DLGAP1: variants seen among roughly 807,000 people sequenced by gnomAD.
The protein encoded by DLGAP1 is disks large-associated protein 1.
A neutral mutation model predicts 90.8 loss-of-function variants in DLGAP1; 11 were observed. The observed-to-expected ratio is 0.12, with a 90% CI of 0.08 to 0.20. DLGAP1 has a LOEUF of 0.20. DLGAP1 is among the 10% of genes least tolerant of loss of function. The pLI is 1.00. For missense variants in DLGAP1, 1,050 were observed against 1,333.8 expected (o/e 0.79, Z 3.31); for synonymous variants, 558 against 540.7 (o/e 1.03, Z -0.44).
intron 1 of DLGAP1, among the ~76,000 whole-genome samples, chr18:4,176,719 C>G (rs1442548900): frequency 2.0e-5 from 3 of 152,108 alleles, no homozygotes; most frequent in African/African-American, 7.2e-5. Context: ...TTGGTGAAGT[C>G]TAGAAACTAC....
chr18:4,376,756 G>A (rs577480387), intron 1 of DLGAP1, among the ~76,000 whole-genome samples: 7 of 152,164 alleles, frequency 4.6e-5, no homozygotes, highest in South Asian at 2.1e-4. Context: ...GTAAATCCTC[G>A]GTAGAGGTGG....
chr18:3,788,681 C>T (rs756952238), intron 5 of DLGAP1, among the ~76,000 whole-genome samples: 11 of 152,230 alleles, frequency 7.2e-5, no homozygotes, highest in Admixed American at 2.6e-4. Context: ...CTTACAGGGT[C>T]GGGCTTGGCA....
chr18:4,016,851 T>C (rs1039010221), intron 2 of DLGAP1, among the ~76,000 whole-genome samples: 1 of 152,172 alleles, frequency 6.6e-6, no homozygotes, highest in Non-Finnish European at 1.5e-5. Context: ...AGTCAACCTC[T>C]CAGTCTCAGT....
chr18:3,888,551 T>G (rs2071380676), intron 3 of DLGAP1, among the ~76,000 whole-genome samples: 1 of 151,480 alleles, frequency 6.6e-6, no homozygotes, highest in South Asian at 2.1e-4. Context: ...GATATGGTAT[T>G]GTTAAAAAAA....
intron 1 of DLGAP1, among the ~76,000 whole-genome samples, chr18:4,260,402 G>T (rs1392806314): frequency 6.6e-6 from 1 of 152,106 alleles, no homozygotes; most frequent in East Asian, 1.9e-4. Flanking sequence ...ACTTCTCATT[G>T]ATCAGCCTTA....
intron 3 of DLGAP1, chr18:3,891,842 C>G (rs773440317): frequency 6.6e-6 from 1 of 151,942 alleles, no homozygotes; most frequent in Non-Finnish European, 1.5e-5. Context: ...ACCTGGAACT[C>G]GTGGGCTTAA....
At chr18:3,792,925 C>T (rs113669942) in intron 5 of DLGAP1, among the ~76,000 whole-genome samples, 65 of 152,284 alleles carry the variant, frequency 4.3e-4, no homozygotes, top group African/African-American at 1.6e-3. Flanking sequence ...CTTCCTCCAC[C>T]TGCGGCACTG....
intron 3 of DLGAP1, among the ~76,000 whole-genome samples, chr18:3,915,198 T>G (rs1457926972): frequency 6.6e-6 from 1 of 152,250 alleles, no homozygotes; most frequent in Admixed American, 6.5e-5. Context: ...TTGCCCATTT[T>G]TAAACTGGGT....
intron 2 of DLGAP1, among the ~76,000 whole-genome samples, chr18:4,136,905 GTT>G (rs35775897): frequency 6.6e-6 from 1 of 151,914 alleles, no homozygotes; most frequent in Non-Finnish European, 1.5e-5. Flanking sequence ...TTTTGATGTG[GTT>G]TTTTTATTAT....
At chr18:4,240,309 T>C (rs2078505052) in intron 1 of DLGAP1, among the ~76,000 whole-genome samples, 1 of 152,160 alleles carries the variant, frequency 6.6e-6, no homozygotes, top group Admixed American at 6.6e-5. Context: ...TAAAATCTAG[T>C]AGGTATAATT....
intron 2 of DLGAP1, among the ~76,000 whole-genome samples, chr18:4,097,618 T>G (rs1400515784): frequency 6.6e-6 from 1 of 152,086 alleles, no homozygotes; most frequent in Non-Finnish European, 1.5e-5. Flanking sequence ...GTGCAACAGA[T>G]AGTTATATTC....
chr18:4,314,499 G>C (rs1025133076), intron 1 of DLGAP1, among the ~76,000 whole-genome samples: 4 of 152,118 alleles, frequency 2.6e-5, no homozygotes, highest in Admixed American at 1.3e-4. Flanking sequence ...ATGTCAGAGG[G>C]TTTCTACAAC....
chr18:4,285,843 C>T (rs989070951), intron 1 of DLGAP1, among the ~76,000 whole-genome samples: 1 of 152,180 alleles, frequency 6.6e-6, no homozygotes, highest in African/African-American at 2.4e-5. Flanking sequence ...GGTTTTCAAT[C>T]TTGTCTTGTC....
intron 6 of DLGAP1, among the ~76,000 whole-genome samples, chr18:3,731,648 A>G (rs1346641552): frequency 6.7e-6 from 1 of 148,840 alleles, no homozygotes; most frequent in Non-Finnish European, 1.5e-5. Context: ...GTCTCAAACC[A>G]TCCTCCCACC....
At chr18:3,632,617 C>T (rs1484672958) in intron 7 of DLGAP1, among the ~76,000 whole-genome samples, 1 of 152,096 alleles carries the variant, frequency 6.6e-6, no homozygotes, top group Non-Finnish European at 1.5e-5. Context: ...TCTTATAATC[C>T]AACGTCTTAA....
At chr18:4,346,168 A>C (rs959997402) in intron 1 of DLGAP1, among the ~76,000 whole-genome samples, 1 of 152,190 alleles carries the variant, frequency 6.6e-6, no homozygotes, top group African/African-American at 2.4e-5. Flanking sequence ...TTAATCTTTT[A>C]ACTTACAGTT....
intron 1 of DLGAP1, among the ~76,000 whole-genome samples, chr18:4,369,884 T>C (rs1307338694): frequency 7.5e-6 from 1 of 133,148 alleles, no homozygotes; most frequent in Middle Eastern, 3.9e-3. Context: ...ATAAAGCACA[T>C]CAGGGCTATG....
intron 1 of DLGAP1, among the ~76,000 whole-genome samples, chr18:4,442,712 C>A (rs2083565102): frequency 6.6e-6 from 1 of 152,196 alleles, no homozygotes; most frequent in African/African-American, 2.4e-5. Flanking sequence ...TTAATGTCCT[C>A]ATATACCAGG....
chr18:3,658,003 G>A (rs929709050), intron 7 of DLGAP1, among the ~76,000 whole-genome samples: 1 of 152,106 alleles, frequency 6.6e-6, no homozygotes, highest in Non-Finnish European at 1.5e-5. Context: ...ATCTCAGTTT[G>A]CCCTTTTCCC....
Sources: allele counts gnomAD v4.1 joint callset (sites outside exome capture counted in the v4.1 genomes callset), GRCh38; gene constraint gnomAD v4.1.1; transcripts MANE v1.5; gene names NCBI Gene and HGNC (gene_info 2026-07-23, HGNC 2026-07-21).